MALRD1: variants seen among roughly 807,000 people sequenced by gnomAD.
MALRD1 encodes MAM and LDL-receptor class A domain-containing protein 1.
A neutral mutation model predicts 242.1 loss-of-function variants in MALRD1; 247 were observed. That is an observed-to-expected ratio of 1.02 (90% CI 0.92 to 1.13). The LOEUF (loss-of-function observed/expected upper bound fraction) is 1.13. Among genes scored for constraint, MALRD1 ranks in the 50% most tolerant of loss-of-function variants. The probability of loss-of-function intolerance (pLI) is 0.00; values close to 1 mark genes in which losing one functional copy is unlikely to be tolerated. For missense variants in MALRD1, 2,989 were observed against 2,533.1 expected (o/e 1.18, Z -3.86); for synonymous variants, 995 against 866.6 (o/e 1.15, Z -2.60).
intron 36 of MALRD1, among the ~76,000 whole-genome samples, chr10:19,626,383 C>G (rs1385545855): frequency 2.0e-5 from 3 of 147,834 alleles, no homozygotes; most frequent in African/African-American, 7.5e-5. Context: ...AAGGTACAAG[C>G]CAAAATAAGT....
chr10:19,482,952 C>A (rs2131184514), intron 29 of MALRD1, among the ~76,000 whole-genome samples: 1 of 151,946 alleles, frequency 6.6e-6, no homozygotes, highest in Non-Finnish European at 1.5e-5. Context: ...ATCCTAAAAT[C>A]CATATGGAAC....
chr10:19,470,954 C>G (rs552780074), intron 29 of MALRD1, among the ~76,000 whole-genome samples: 10 of 151,606 alleles, frequency 6.6e-5, no homozygotes, highest in Non-Finnish European at 7.4e-5. Context: ...TGTAGTCTTA[C>G]TTGTTTATTT....
At chr10:19,066,489 A>G (rs899205324) in intron 1 of MALRD1, among the ~76,000 whole-genome samples, 3 of 152,170 alleles carry the variant, frequency 2.0e-5, no homozygotes, top group Admixed American at 1.3e-4. Flanking sequence ...TTCTGATCCT[A>G]TGTCGTGTGG....
intron 31 of MALRD1, among the ~76,000 whole-genome samples, chr10:19,512,970 A>G (rs1833469472): frequency 6.6e-6 from 1 of 152,174 alleles, no homozygotes; most frequent in African/African-American, 2.4e-5. Flanking sequence ...GAATTTACTT[A>G]ATTTTAAATA....
intron 36 of MALRD1, among the ~76,000 whole-genome samples, chr10:19,662,017 CACAT>C (rs1473505549): frequency 1.3e-5 from 2 of 152,030 alleles, no homozygotes; most frequent in African/African-American, 2.4e-5. Flanking sequence ...TTCAATATGA[CACAT>C]ACTCCTTCAT....
At chr10:19,228,062 A>T (rs1343528172) in intron 18 of MALRD1, among the ~76,000 whole-genome samples, 2 of 152,196 alleles carry the variant, frequency 1.3e-5, no homozygotes, top group Admixed American at 1.3e-4. Flanking sequence ...TTTTAATGTT[A>T]AACTTAGTAC....
Position 19,539,909 on chromosome 10 carries a change from T to TGTGTGTGC in MALRD1, c.5478+8559_5478+8560insTGTGTGCG, listed in dbSNP as rs1564425579. 1.2e-4 allele frequency among the ~76,000 whole-genome samples: 3 copies of TGTGTGTGC among 25,784 alleles called. No homozygotes were observed. The East Asian group carries it at 4.7e-3, about 40-fold the overall frequency. 16.9% of individuals were successfully genotyped at this position (25,784 alleles called of 152,430 possible). ...GTGTGTGTGTGTGTGCGCGCGCGCG[T>TGTGTGTGC]GCGCGCACACACGCGCAGTGATGGG... is the stretch of plus-strand genomic sequence containing the variant. On this transcript the variant is annotated intron_variant, in intron 32 of 39. Transcript: ENST00000454679.
intron 18 of MALRD1, among the ~76,000 whole-genome samples, chr10:19,249,113 A>G (rs1001744405): frequency 2.6e-5 from 4 of 150,996 alleles, no homozygotes; most frequent in Admixed American, 6.6e-5. Flanking sequence ...GTGTGTTTAT[A>G]TATTTCTTTT....
chr10:19,648,398 A>C (rs1474378267), intron 36 of MALRD1, among the ~76,000 whole-genome samples: 1 of 150,750 alleles, frequency 6.6e-6, no homozygotes, highest in Non-Finnish European at 1.5e-5. Context: ...TGACAGATGC[A>C]CCAGGGAAAG....
intron 28 of MALRD1, among the ~76,000 whole-genome samples, chr10:19,414,355 A>C (rs1833416547): frequency 6.6e-6 from 1 of 152,188 alleles, no homozygotes; most frequent in Admixed American, 6.5e-5. Flanking sequence ...ATTTTAAAAA[A>C]TATATTGTTA....
At chr10:19,670,436 G>A (rs73595888) in intron 36 of MALRD1, among the ~76,000 whole-genome samples, 12,641 of 152,030 alleles carry the variant, frequency 0.083, 1,258 homozygotes, top group African/African-American at 0.23. Flanking sequence ...AATTTTCTTT[G>A]TGGTCTTGCT....
At chr10:19,295,693 C>G (rs888987229) in intron 21 of MALRD1, among the ~76,000 whole-genome samples, 54 of 152,086 alleles carry the variant, frequency 3.6e-4, no homozygotes, top group African/African-American at 1.3e-3. Flanking sequence ...TCATGTGTCT[C>G]CTAGACCTCA....
intron 24 of MALRD1, among the ~76,000 whole-genome samples, chr10:19,335,065 T>TA (rs1289094392): frequency 1.3e-5 from 2 of 152,114 alleles, no homozygotes; most frequent in Non-Finnish European, 2.9e-5. Context: ...ATTAAAAACA[T>TA]ACTGTCTTGT....
At chr10:19,289,196 A>G (rs988423329) in intron 21 of MALRD1, among the ~76,000 whole-genome samples, 1 of 152,180 alleles carries the variant, frequency 6.6e-6, no homozygotes, top group Non-Finnish European at 1.5e-5. Flanking sequence ...CCATTAAGAA[A>G]AGGTGGACTA....
intron 26 of MALRD1, among the ~76,000 whole-genome samples, chr10:19,383,847 C>T (rs1364798294): frequency 6.6e-6 from 1 of 151,636 alleles, no homozygotes; most frequent in East Asian, 1.9e-4. Context: ...GGAAATAGTA[C>T]ATTCTCCAGG....
At chr10:19,218,757 T>G (rs535177748) in intron 18 of MALRD1, among the ~76,000 whole-genome samples, 21 of 152,258 alleles carry the variant, frequency 1.4e-4, no homozygotes, top group African/African-American at 4.1e-4. Flanking sequence ...CACAGTGATC[T>G]TGACACTGTA....
chr10:19,701,416 A>T (rs780458730), intron 38 of MALRD1, among the ~76,000 whole-genome samples: 3 of 152,106 alleles, frequency 2.0e-5, no homozygotes, highest in Non-Finnish European at 4.4e-5. Context: ...TCTGAAAGGT[A>T]TCTGATTGAG....
intron 13 of MALRD1, among the ~76,000 whole-genome samples, chr10:19,174,230 G>T (rs1401379301): frequency 6.6e-6 from 1 of 152,100 alleles, no homozygotes; most frequent in Non-Finnish European, 1.5e-5. Flanking sequence ...GTTAAATGAG[G>T]TTCTTATGAC....
chr10:19,673,493 A>T (rs746022565), intron 36 of MALRD1, among the ~76,000 whole-genome samples: 1 of 152,188 alleles, frequency 6.6e-6, no homozygotes, highest in Non-Finnish European at 1.5e-5. Flanking sequence ...ATATACTCTT[A>T]TATTCAGATT....
Sources: allele counts gnomAD v4.1 joint callset (sites outside exome capture counted in the v4.1 genomes callset), GRCh38; gene constraint gnomAD v4.1.1; transcripts MANE v1.5; gene names NCBI Gene and HGNC (gene_info 2026-07-23, HGNC 2026-07-21).